IKZF1: variants seen among roughly 807,000 people sequenced by gnomAD.
IKZF1 encodes DNA-binding protein Ikaros.
IKZF1 carries 10 observed loss-of-function variants against 51.7 expected under a neutral mutation model. The ratio of observed to expected loss-of-function variants is 0.19; its 90% CI spans 0.12 to 0.33. The LOEUF is 0.33. Among genes scored for constraint, IKZF1 ranks in the 10% least tolerant of loss-of-function variants. IKZF1 has a pLI of 1.00. For missense variants in IKZF1, 484 were observed against 707.5 expected, an observed-to-expected ratio of 0.68 and a Z score of 3.58; for synonymous variants, 280 against 282.3, an observed-to-expected ratio of 0.99 and a Z score of 0.08.
chr7:50,376,624 G>A lies in IKZF1; in HGVS notation c.252G>A (p.Met84Ile). 1 of 1,614,004 alleles carries A rather than the reference G, an allele frequency of 6.2e-7. No homozygotes were observed. The highest frequency in any genetic ancestry group is 1.3e-5 in the African/African-American group (1 of 75,050). Residue 84 changes from methionine (M) to isoleucine (I), a missense_variant, in exon 4 of 8, where the codon ATG (methionine) becomes ATA (isoleucine). Around this residue, in one of 6 missense-constraint regions of IKZF1, gnomAD observed 118 missense variants for 138.4 expected, o/e 0.85. Transcript: ENST00000331340. This position sits in a 1 kb window ranked among gnomAD's most constrained non-coding sequence, Gnocchi z 4.5. ...AAGAATGTGCGGAGGATTTACGAAT[G>A]CTTGATGCCTCGGGAGAGAAAATGA... is the stretch of plus-strand genomic sequence containing the variant. ...NGEECAEDLR[M>I]LDASGEKMNG...
chr7:50,380,305 C>T (rs1811495473), intron 4 of IKZF1, among the ~76,000 whole-genome samples: 1 of 152,216 alleles, frequency 6.6e-6, no homozygotes, highest in Non-Finnish European at 1.5e-5. Flanking sequence ...ATTAAGACAT[C>T]AGACACTGCA....
In IKZF1 at chr7:50,400,108, G is replaced by A. The variant is rs2153518124; in HGVS notation, c.1041G>A (p.Met347Ile). Reference protein sequence around the residue: ...GSEVVPVISPMYQLHKPLAEG... With the variant: ...GSEVVPVISPIYQLHKPLAEG... Reference sequence around the variant, plus strand: ...AGGTGGTCCCGGTCATCAGCCCGATGTACCAGCTGCACAAGCCGCTCGCGG... The same window carrying A: ...AGGTGGTCCCGGTCATCAGCCCGATATACCAGCTGCACAAGCCGCTCGCGG... Residue 347 changes from methionine to isoleucine, a missense_variant, in exon 8 of 8, where the codon ATG (methionine) becomes ATA (isoleucine). Around this residue, in one of 6 missense-constraint regions of IKZF1, gnomAD observed 172 missense variants for 192.7 expected, o/e 0.89. Coordinates refer to ENST00000331340, the MANE Select transcript of IKZF1 (RefSeq NM_006060.6). This position sits in a 1 kb window ranked among gnomAD's most constrained non-coding sequence, Gnocchi z 5.4. 6.4e-7 allele frequency: 1 copy of A among 1,561,900 alleles called. No homozygotes were observed. Among genetic ancestry groups the A allele is most frequent in the Admixed American group, 1.9e-5 (1 of 51,792 alleles).
In IKZF1 at chr7:50,402,633, T is replaced by C. The variant is rs376406522; in HGVS notation, c.*2006T>C. The C allele has an allele frequency of 4.1e-4, 96 of 231,528 alleles. No homozygotes were observed. Among genetic ancestry groups the C allele is most frequent in the African/African-American group, 1.9e-3 (84 of 45,268 alleles). The allele number at this position is 231,528 out of a possible 1,614,324, so 14.3% of individuals were successfully genotyped here. A position where few individuals can be genotyped will look rare whatever the true frequency, so the allele number is the denominator to read the frequency against. Reference sequence around the variant, plus strand: ...CAGTATCAAGGCTGACTTGTGTTCATGTGGAGTCATTATAAATTCTATAAA... The same window carrying C: ...CAGTATCAAGGCTGACTTGTGTTCACGTGGAGTCATTATAAATTCTATAAA... On this transcript the variant is annotated 3_prime_UTR_variant, in exon 8 of 8. Coordinates refer to ENST00000331340, the MANE Select transcript of IKZF1 (RefSeq NM_006060.6).
intron 2 of IKZF1, among the ~76,000 whole-genome samples, chr7:50,319,883 G>T (rs1327613231): frequency 6.6e-6 from 1 of 152,198 alleles, no homozygotes; most frequent in Non-Finnish European, 1.5e-5. Flanking sequence ...GAGCGCCCTC[G>T]TGTTTTGAAG....
intron 3 of IKZF1, among the ~76,000 whole-genome samples, chr7:50,352,707 CATTTT>C (rs1293337902): frequency 6.6e-6 from 1 of 152,166 alleles, no homozygotes; most frequent in Non-Finnish European, 1.5e-5. Context: ...TCAGTTTTTT[CATTTT>C]AAGTTTTTGT....
intron 6 of IKZF1, among the ~76,000 whole-genome samples, chr7:50,389,292 T>C (rs1379061835): frequency 6.6e-6 from 1 of 152,228 alleles, no homozygotes; most frequent in Non-Finnish European, 1.5e-5. Flanking sequence ...TACCTAAACA[T>C]GGATGTTTAG....
At chr7:50,336,294 G>A (rs1797766797) in intron 3 of IKZF1, among the ~76,000 whole-genome samples, 1 of 152,068 alleles carries the variant, frequency 6.6e-6, no homozygotes, top group Admixed American at 6.5e-5. Flanking sequence ...GCAGAGGGAG[G>A]GGATGAGTCA....
At chr7:50,314,419 G>A (rs1053380491) in intron 1 of IKZF1, among the ~76,000 whole-genome samples, 1 of 152,146 alleles carries the variant, frequency 6.6e-6, no homozygotes, top group Non-Finnish European at 1.5e-5. Context: ...AACTACAATT[G>A]TTCTTAAAGC....
At chr7:50,321,229 C>A (rs930382568) in intron 2 of IKZF1, among the ~76,000 whole-genome samples, 1 of 152,150 alleles carries the variant, frequency 6.6e-6, no homozygotes, top group Non-Finnish European at 1.5e-5. Context: ...TACCTTTTAG[C>A]ATTATTTGAA....
intron 3 of IKZF1, among the ~76,000 whole-genome samples, chr7:50,342,334 A>G (rs1328123197): frequency 6.6e-6 from 1 of 152,288 alleles, no homozygotes; most frequent in Non-Finnish European, 1.5e-5. Flanking sequence ...GCTGAATTAA[A>G]TGTAGAAAAA....
chr7:50,374,366 T>C (rs1809607339), intron 3 of IKZF1, among the ~76,000 whole-genome samples: 1 of 152,214 alleles, frequency 6.6e-6, no homozygotes, highest in Admixed American at 6.5e-5. Context: ...TCAGAACTGA[T>C]GCACTGCAGA....
Position 50,396,324 on chromosome 7 carries a change from T to C in IKZF1, c.851-3594T>C, listed in dbSNP as rs939396014. Among the ~76,000 whole-genome samples the C allele has an allele frequency of 2.6e-5, 4 of 152,158 alleles. No homozygotes were observed. The East Asian group carries it at 7.7e-4, about 29-fold the overall frequency. Reference sequence around the variant, plus strand: ...TGTCAGTAATTTAATTTTTAGTAGTTCCTGTTCTATTACTTGCTATTTTTA... The same window carrying C: ...TGTCAGTAATTTAATTTTTAGTAGTCCCTGTTCTATTACTTGCTATTTTTA... On this transcript the variant is annotated intron_variant, in intron 7 of 7. Coordinates refer to ENST00000331340, the MANE Select transcript of IKZF1 (RefSeq NM_006060.6).
intron 3 of IKZF1, chr7:50,368,901 AAC>A (rs1398683035): frequency 1.4e-5 from 3 of 220,888 alleles, no homozygotes; most frequent in African/African-American, 6.7e-5. Flanking sequence ...CTCTAATTTG[AAC>A]AGTGCCAGTA....
chr7:50,355,714 G>T (rs960727670), intron 3 of IKZF1, among the ~76,000 whole-genome samples: 5 of 152,222 alleles, frequency 3.3e-5, no homozygotes, highest in African/African-American at 1.2e-4. Flanking sequence ...ATATTCAGCA[G>T]TTTCCTCTAA....
intron 4 of IKZF1, among the ~76,000 whole-genome samples, chr7:50,378,091 C>T (rs1296526958): frequency 2.0e-5 from 3 of 151,944 alleles, no homozygotes. Context: ...TTTTGTGAGC[C>T]AAAAAAGCTG....
intron 3 of IKZF1, among the ~76,000 whole-genome samples, chr7:50,353,307 C>T (rs1047677938): frequency 6.6e-6 from 1 of 152,232 alleles, no homozygotes; most frequent in Non-Finnish European, 1.5e-5. Context: ...TTCCTCAGTT[C>T]TGCCAGCCAC....
intron 3 of IKZF1, among the ~76,000 whole-genome samples, chr7:50,331,615 G>T (rs1317079890): frequency 1.3e-5 from 2 of 152,192 alleles, no homozygotes; most frequent in Non-Finnish European, 2.9e-5. Flanking sequence ...TAAACAAATT[G>T]ATGGGAATGG....
chr7:50,375,335 G>T (rs955152906), intron 3 of IKZF1, among the ~76,000 whole-genome samples: 1 of 152,102 alleles, frequency 6.6e-6, no homozygotes, highest in Non-Finnish European at 1.5e-5. Flanking sequence ...GAGGTGGGAG[G>T]ATCACTTGAG....
chr7:50,373,207 C>T (rs1028441835), intron 3 of IKZF1, among the ~76,000 whole-genome samples: 7 of 152,356 alleles, frequency 4.6e-5, no homozygotes, highest in East Asian at 3.9e-4. Flanking sequence ...GTAGCAGAAC[C>T]GGTGTTCCTG....
Sources: allele counts gnomAD v4.1 joint callset (sites outside exome capture counted in the v4.1 genomes callset), GRCh38; gene constraint gnomAD v4.1.1; regional missense constraint gnomAD v4.1.1; non-coding constraint Gnocchi (gnomAD v3.1); transcripts MANE v1.5; gene names NCBI Gene and HGNC (gene_info 2026-07-23, HGNC 2026-07-21).